Variants in ATM observed in about 807,000 individuals in gnomAD.
The protein encoded by ATM is serine-protein kinase ATM.
ATM carries 308 observed loss-of-function variants against 387.0 expected under a neutral mutation model. The observed-to-expected ratio is 0.80, with a 90% CI of 0.73 to 0.87. The LOEUF is 0.87. Ranked by LOEUF, ATM falls within the 40% of genes least tolerant of loss-of-function variation. ATM has a pLI of 0.00. For missense variants in ATM, 3,312 were observed against 3,560.9 expected (o/e 0.93, Z 1.78); for synonymous variants, 1,156 against 1,187.3 (o/e 0.97, Z 0.54).
In ATM at chr11:108,340,793, G is replaced by A. The variant is rs186817914; in HGVS notation, c.8269-2429G>A. 6.8e-4 allele frequency among the ~76,000 whole-genome samples: 103 copies of A among 152,254 alleles called. 1 individual carries two copies. The highest frequency in any genetic ancestry group is 2.4e-3 in the African/African-American group (99 of 41,530). On this transcript the variant is annotated intron_variant, in intron 56 of 62. Transcript: ENST00000675843. ...ATATACAGTGGTGTATGAAGCATTT[G>A]CCTATAACCTATGAACCTCCTCCCA...
Position 108,315,890 on chromosome 11 carries a change from A to C in ATM, c.6074A>C (p.Lys2025Thr). 6.2e-7 allele frequency: 1 copy of C among 1,612,358 alleles called. No individual in the cohort carries two copies. The highest frequency in any genetic ancestry group is 8.5e-7 in the Non-Finnish European group (1 of 1,178,382). The change falls in exon 41 of 63, where the codon AAG (lysine) becomes ACG (threonine). Residue 2025 changes from lysine to threonine, a missense_variant. This residue lies in a region of ATM where 1,405 missense variants were observed against 1,604.4 expected (regional missense o/e 0.88). Transcript: ENST00000675843. ...PDSLYGCGGG[K>T]MLQPITRLRT... The stretch of plus-strand genomic sequence containing the variant: ...AGTTTGTATGGCTGTGGTGGAGGGA[A>C]GATGTTACAACCCATTACTAGGTAA...
At chr11:108,240,049 A>G (rs1159916950) in intron 5 of ATM, among the ~76,000 whole-genome samples, 1 of 152,210 alleles carries the variant, frequency 6.6e-6, no homozygotes, top group Non-Finnish European at 1.5e-5. Context: ...CCTACTGTCA[A>G]CATCTTGCAC....
chr11:108,244,141 T>C lies in ATM; in HGVS notation c.662+23T>C, dbSNP rs373263185. On this transcript the variant is annotated intron_variant, in intron 6 of 62. Transcript: ENST00000675843. ...GAGGTAATCTAATCTCTTTTTCTTT[T>C]GTTTTGTATTGAAATACTTTTGATC... 5.0e-6 allele frequency: 8 copies of C among 1,612,794 alleles called. No homozygotes were observed. The African/African-American group carries it at 9.4e-5, about 19-fold the overall frequency.
chr11:108,312,558 G>T (rs1421587440), intron 40 of ATM, 60 bp downstream of exon 40: 17 of 1,227,918 alleles, frequency 1.4e-5, no homozygotes, highest in African/African-American at 3.0e-5. Context: ...GGGTTATTTT[G>T]TTATAGACAC....
At chr11:108,284,537 T>G in intron 26 of ATM, 64 bp downstream of exon 26, 3 of 1,586,040 alleles carry the variant, frequency 1.9e-6, no homozygotes, top group Non-Finnish European at 2.6e-6. Flanking sequence ...CCTTTAAGTT[T>G]TAAGGCTATT....
At position 108,365,389 on chromosome 11, in the gene ATM, A is replaced by G. The variant is rs2091243577; in HGVS notation, c.9052A>G (p.Lys3018Glu). 1 of 1,614,200 alleles carries G rather than the reference A, an allele frequency of 6.2e-7. No individual in the cohort carries two copies. The highest frequency in any genetic ancestry group is 8.5e-7 in the Non-Finnish European group (1 of 1,180,030). The change falls in exon 63 of 63, where the codon AAA becomes GAA. Residue 3018 changes from lysine (K) to glutamate (E), a missense_variant. By Grantham distance (56) the Lys-to-Glu change is moderately conservative (BLOSUM62 1). Transcript: ENST00000675843. The stretch of plus-strand genomic sequence containing the variant: ...CTTAATGAGACTACAAGAGAAACTG[A>G]AAGGAGTGGAAGAAGGCACTGTGCT... ...RVLMRLQEKL[K>E]GVEEGTVLSV...
At chr11:108,268,312 A>T in intron 17 of ATM, 98 bp from the exon 18 acceptor site, 2 of 1,163,930 alleles carry the variant, frequency 1.7e-6, no homozygotes, top group Middle Eastern at 2.7e-4. Context: ...TGCTTTTCAT[A>T]TACTTTTTTT....
At chr11:108,340,871 C>G (rs548024063) in intron 56 of ATM, among the ~76,000 whole-genome samples, 1 of 152,084 alleles carries the variant, frequency 6.6e-6, no homozygotes, top group African/African-American at 2.4e-5. Flanking sequence ...AGTGTAAATG[C>G]TGTGTAAATA....
intron 57 of ATM, among the ~76,000 whole-genome samples, chr11:108,344,217 T>A (rs917410742): frequency 6.6e-6 from 1 of 152,230 alleles, no homozygotes; most frequent in Non-Finnish European, 1.5e-5. Flanking sequence ...AGTGTAGGTA[T>A]GGAGGAGGAA....
Position 108,244,867 on chromosome 11 carries a change from C to G in ATM, c.742C>G (p.Arg248Gly), listed in dbSNP as rs730881336. The part of the protein sequence containing the change: ...IFLKTLAVNF[R>G]IRVCELGDEI... ...CCTCAAGACTTTGGCTGTCAACTTT[C>G]GAATTCGAGTGTGTGAATTAGGAGA... The change falls in exon 7 of 63, where the codon CGA (arginine) becomes GGA (glycine). Residue 248 changes from arginine (R) to glycine (G), a missense_variant. By Grantham distance (125) the Arg-to-Gly change is moderately radical. Coordinates refer to ENST00000675843, the MANE Select transcript of ATM (RefSeq NM_000051.4). The G allele has an allele frequency of 1.2e-6, 2 of 1,613,772 alleles. No individual in the cohort carries two copies. The highest frequency in any genetic ancestry group is 1.7e-6 in the Non-Finnish European group (2 of 1,179,900).
intron 26 of ATM, among the ~76,000 whole-genome samples, chr11:108,286,508 T>C (rs529504636): frequency 6.6e-6 from 1 of 152,232 alleles, no homozygotes; most frequent in Non-Finnish European, 1.5e-5. Flanking sequence ...AGGTTTTCCA[T>C]TGGTTACTTG....
In ATM at chr11:108,317,233, C is replaced by T. The variant is rs1408102935; in HGVS notation, c.6199-140C>T. 4 of 823,358 alleles carry T rather than the reference C, an allele frequency of 4.9e-6. No homozygotes were observed. In the East Asian group the frequency reaches 9.4e-5, roughly 19 times the overall value. 51.0% of individuals were successfully genotyped at this position (823,358 alleles called of 1,614,324 possible). On this transcript the variant is annotated intron_variant, in intron 42 of 62. Transcript: ENST00000675843. The stretch of plus-strand genomic sequence containing the variant: ...AGATTACAGGCATGAGCCACCACAC[C>T]CAGCTGATATTTTGGGATTTTAAAT...
rs559676197 is a variant in ATM at position 108,271,317 on chromosome 11, T to G, written c.2988T>G (p.His996Gln). 8 of 1,614,024 alleles carry G rather than the reference T, an allele frequency of 5.0e-6. No individual in the cohort carries two copies. In the South Asian group the frequency reaches 8.8e-5, roughly 18 times the overall value. The change falls in exon 20 of 63, where the codon CAT (histidine) becomes CAG (glutamine). Residue 996 changes from histidine to glutamine, a missense_variant. Around this residue, in one of 4 missense-constraint regions of ATM, gnomAD observed 1,791 missense variants for 1,804.5 expected, o/e 0.99. Coordinates refer to ENST00000675843, the MANE Select transcript of ATM (RefSeq NM_000051.4). ...AAACTATTTTAAACCATGTCCTTCA[T>G]GTAGTGAAAAACCTAGGTCAAAGCA... ...VCKTILNHVL[H>Q]VVKNLGQSNM...
In ATM at chr11:108,246,156, A is replaced by G. The variant is rs114524252; in HGVS notation, c.902-808A>G. 7.5e-3 allele frequency among the ~76,000 whole-genome samples: 1,136 copies of G among 152,116 alleles called. 8 individuals carry two copies. Among genetic ancestry groups the G allele is most frequent in the African/African-American group, 0.024 (1,006 of 41,514 alleles). On this transcript the variant is annotated intron_variant, in intron 7 of 62. Coordinates refer to ENST00000675843, the MANE Select transcript of ATM (RefSeq NM_000051.4). ...CACTTTTTATCAAAAGTAGCTGTGTATTTGTTTTATGGGCTCTTCTAATAA... is the reference window on the plus strand; with the variant it reads ...CACTTTTTATCAAAAGTAGCTGTGTGTTTGTTTTATGGGCTCTTCTAATAA...
intron 48 of ATM, among the ~76,000 whole-genome samples, chr11:108,328,714 T>C (rs1362892077): frequency 1.3e-5 from 2 of 152,184 alleles, no homozygotes; most frequent in East Asian, 1.9e-4. Flanking sequence ...GCAAGAAGAA[T>C]TGCCTTGGGC....
At position 108,330,205 on chromosome 11, in the gene ATM, C is replaced by T. The variant is rs878853541; in HGVS notation, c.7308-9C>T. On this transcript the variant is annotated splice_polypyrimidine_tract_variant and intron_variant, in intron 49 of 62. Coordinates refer to ENST00000675843, the MANE Select transcript of ATM (RefSeq NM_000051.4). ...GCTTTTGTGTTTTACCTTAATTATT[C>T]TATGCAAGATACACAGTAAAGGTTC... The T allele has an allele frequency of 6.2e-7, 1 of 1,612,070 alleles. No homozygotes were observed. The highest frequency in any genetic ancestry group is 8.5e-7 in the Non-Finnish European group (1 of 1,178,460).
In ATM at chr11:108,267,289, C is replaced by G. The variant is rs1565416725; in HGVS notation, c.2585C>G (p.Pro862Arg). The part of the protein sequence containing the change: ...QSSMNLFNDY[P>R]DSSVSDANEP... Reference sequence around the variant, plus strand: ...TCCATGAATCTATTTAACGATTACCCTGATAGTAGTGTTAGTGATGCAAAC... The same window carrying G: ...TCCATGAATCTATTTAACGATTACCGTGATAGTAGTGTTAGTGATGCAAAC... Residue 862 changes from proline (P) to arginine (R), a missense_variant, in exon 17 of 63, where the codon CCT (proline) becomes CGT (arginine). Physicochemically the swap from Pro to Arg is moderately radical, Grantham distance 103. This residue lies in a region of ATM where 1,791 missense variants were observed against 1,804.5 expected (regional missense o/e 0.99). Transcript: ENST00000675843. 1 of 1,614,028 alleles carries G rather than the reference C, an allele frequency of 6.2e-7. No homozygotes were observed. Among genetic ancestry groups the G allele is most frequent in the Non-Finnish European group, 8.5e-7 (1 of 1,179,972 alleles).
At chr11:108,279,403 T>G in intron 22 of ATM, 88 bp from the exon 23 acceptor site, 1 of 937,596 alleles carries the variant, frequency 1.1e-6, no homozygotes, top group Non-Finnish European at 1.7e-6. Flanking sequence ...GTGATTTATT[T>G]TTGTTCTGGA....
chr11:108,343,727 C>A (rs555753995), intron 57 of ATM, among the ~76,000 whole-genome samples: 1 of 152,154 alleles, frequency 6.6e-6, no homozygotes, highest in Admixed American at 6.5e-5. Flanking sequence ...CTGGGGGATC[C>A]CTTGAACCCA....
Sources: allele counts gnomAD v4.1 joint callset (sites outside exome capture counted in the v4.1 genomes callset), GRCh38; gene constraint gnomAD v4.1.1; regional missense constraint gnomAD v4.1.1; transcripts MANE v1.5; gene names NCBI Gene and HGNC (gene_info 2026-07-23, HGNC 2026-07-21).